Variants in ANKMY1 observed in about 807,000 individuals in gnomAD.
The protein encoded by ANKMY1 is ankyrin repeat and MYND domain-containing protein 1.
Under a neutral mutation model 102.0 loss-of-function variants are expected in ANKMY1, and 98 were observed. The observed-to-expected ratio is 0.96, with a 90% confidence interval of 0.82 to 1.14. The LOEUF (loss-of-function observed/expected upper bound fraction) is 1.14, where lower values mean the gene tolerates loss of function less well. ANKMY1 is among the 50% of genes most tolerant of loss of function. ANKMY1 has a pLI of 0.00. For missense variants in ANKMY1, 1,330 were observed against 1,347.6 expected (o/e 0.99, Z 0.20); for synonymous variants, 582 against 559.9 (o/e 1.04, Z -0.56).
chr2:240,526,351 T>A lies in ANKMY1; in HGVS notation c.1048A>T (p.Met350Leu), dbSNP rs1340347348. 2 of 1,614,134 alleles carry A rather than the reference T, an allele frequency of 1.2e-6. No individual in the cohort carries two copies. The highest frequency in any genetic ancestry group is 2.7e-5 in the African/African-American group (2 of 74,948). The change falls in exon 6 of 18, where the codon ATG becomes TTG. Residue 350 changes from methionine to leucine, a missense_variant. Transcript: ENST00000401804. ...TCCTCAGCCTTTAGGATCATCTCCA[T>A]GGAAAGTTGCTCTTTGGGCCCACAG... ...APCGPKEQLS[M>L]EMILKAEEGN...
Position 240,526,223 on chromosome 2 carries a change from G to A in ANKMY1, c.1170+6C>T. 1 of 1,613,950 alleles carries A rather than the reference G, an allele frequency of 6.2e-7. No homozygotes were observed. Among genetic ancestry groups the A allele is most frequent in the Non-Finnish European group, 8.5e-7 (1 of 1,179,984 alleles). On this transcript the variant is annotated splice_donor_region_variant and intron_variant, in intron 6 of 17. Transcript: ENST00000401804. Reference sequence around the variant, plus strand: ...CGGGCACCAGCTGGGAGGGTGTGGGGCTTACAGCAGCCGCAGCAAGCACAG... The same window carrying A: ...CGGGCACCAGCTGGGAGGGTGTGGGACTTACAGCAGCCGCAGCAAGCACAG...
the ANKMY1 span, among the ~76,000 whole-genome samples, chr2:240,469,589 C>T: frequency 6.6e-6 from 1 of 152,254 alleles, no homozygotes; most frequent in Non-Finnish European, 1.5e-5. Flanking sequence ...GCAGGCAGCC[C>T]CGGCAGGCCA....
Position 240,520,414 on chromosome 2 carries a change from A to G in ANKMY1, c.1952T>C (p.Val651Ala). 1.2e-6 allele frequency: 2 copies of G among 1,606,864 alleles called. No individual in the cohort carries two copies. The highest frequency in any genetic ancestry group is 8.5e-7 in the Non-Finnish European group (1 of 1,176,946). The change falls in exon 9 of 18, where the codon GTG becomes GCG. Residue 651 changes from valine (V) to alanine (A), a missense_variant. Coordinates refer to ENST00000401804, the MANE Select transcript of ANKMY1 (RefSeq NM_001282771.3). This position sits in a 1 kb window ranked among gnomAD's most constrained non-coding sequence, Gnocchi z 4.8. ...LAVKAGDVDG[V>A]RLLLEHGART... The stretch of plus-strand genomic sequence containing the variant: ...CGCCCCGTGCTCCAGCAGCAGCCTC[A>G]CCCCATCCACGTCCCCGGCCTTCAC...
chr2:240,499,942 A>AGAGCT lies in ANKMY1; in HGVS notation c.2806+15_2806+16insAGCTC. On this transcript the variant is annotated intron_variant, in intron 15 of 17. Coordinates refer to ENST00000401804, the MANE Select transcript of ANKMY1 (RefSeq NM_001282771.3). The surrounding 1 kb of genome is among the most constrained non-coding windows in gnomAD (Gnocchi z 4.2). ...GCCGCCCTGTGGAGCAGAGCAGAGC[A>AGAGCT]GGGCCCACTGCTCACCTCTCTTGCA... The AGAGCT allele has an allele frequency of 6.2e-7, 1 of 1,607,828 alleles. No individual in the cohort carries two copies. The highest frequency in any genetic ancestry group is 8.5e-7 in the Non-Finnish European group (1 of 1,176,510).
At position 240,516,202 on chromosome 2, in the gene ANKMY1, G is replaced by T. The variant is rs144928609; in HGVS notation, c.2005-3260C>A. Among the ~76,000 whole-genome samples the T allele has an allele frequency of 4.0e-5, 6 of 148,250 alleles. No homozygotes were observed. In the East Asian group the frequency reaches 1.0e-3, roughly 25 times the overall value. On this transcript the variant is annotated intron_variant, in intron 9 of 17. Coordinates refer to ENST00000401804, the MANE Select transcript of ANKMY1 (RefSeq NM_001282771.3). ...TATTTTGGCTAAAGGATTGGCAATT[G>T]TATAGTGACCTGTGAACCTGTTTTA...
At chr2:240,532,374 CAG>C (rs2085629574) in intron 4 of ANKMY1, among the ~76,000 whole-genome samples, 4 of 152,172 alleles carry the variant, frequency 2.6e-5, no homozygotes, top group Admixed American at 2.0e-4. Context: ...CAAAAACTGA[CAG>C]AATACCATCT....
chr2:240,478,459 A>AC (rs1444467891), downstream of ANKMY1, among the ~76,000 whole-genome samples: 1 of 151,830 alleles, frequency 6.6e-6, no homozygotes, highest in Non-Finnish European at 1.5e-5. Flanking sequence ...AGCATCCCAG[A>AC]CCCCCCTGAG....
chr2:240,497,620 T>C (rs991660630), intron 15 of ANKMY1, among the ~76,000 whole-genome samples: 5 of 152,254 alleles, frequency 3.3e-5, no homozygotes, highest in African/African-American at 9.6e-5. Flanking sequence ...CTCTCTTTTC[T>C]TAGTTTTCTC....
In ANKMY1 at chr2:240,525,724, G is replaced by T. The variant is rs866522532; in HGVS notation, c.1296C>A (p.Phe432Leu). The change falls in exon 7 of 18, where the codon TTC becomes TTA. Residue 432 changes from phenylalanine to leucine, a missense_variant. By Grantham distance (22) the Phe-to-Leu change is conservative. Transcript: ENST00000401804. The stretch of plus-strand genomic sequence containing the variant: ...TGGTCCGTTCAGCAACATTGGGCTT[G>T]AAGGACTGGGCGGGGTAGTGGAGGA... ...CFLLHYPAQS[F>L]KPNVAERTIP... is the part of the protein sequence containing the mutation. 6.2e-7 allele frequency: 1 copy of T among 1,614,176 alleles called. No individual in the cohort carries two copies. Among genetic ancestry groups the T allele is most frequent in the East Asian group, 2.2e-5 (1 of 44,880 alleles).
intron 15 of ANKMY1, among the ~76,000 whole-genome samples, chr2:240,487,076 C>T (rs1208501584): frequency 2.0e-5 from 3 of 152,098 alleles, no homozygotes; most frequent in Non-Finnish European, 2.9e-5. Flanking sequence ...TTTATTTCTT[C>T]TATCTTACTG....
At chr2:240,528,982 AG>A in intron 5 of ANKMY1, 54 bp downstream of exon 5, 1 of 1,552,118 alleles carries the variant, frequency 6.4e-7, no homozygotes, top group East Asian at 2.2e-5. Context: ...GAACCTGCCT[AG>A]GGCAGCCTGC....
rs1445775731 is a variant in ANKMY1, at chr2:240,506,584, G to A, written c.2526+976C>T. 1.3e-5 allele frequency among the ~76,000 whole-genome samples: 2 copies of A among 152,066 alleles called. No individual in the cohort carries two copies. The highest frequency in any genetic ancestry group is 1.9e-4 in the East Asian group (1 of 5,174). On this transcript the variant is annotated intron_variant, in intron 13 of 17. Transcript: ENST00000401804. The surrounding 1 kb of genome is among the most constrained non-coding windows in gnomAD (Gnocchi z 4.9). Reference sequence around the variant, plus strand: ...TGTGACGTCAAACAACCTTCCAGACGCCTGAGTCTCGCCCTTCCCCTTCCA... The same window carrying A: ...TGTGACGTCAAACAACCTTCCAGACACCTGAGTCTCGCCCTTCCCCTTCCA...
rs771425474 is a variant in ANKMY1 at position 240,509,439 on chromosome 2, A to G, written c.2303T>C (p.Val768Ala). 3 of 1,613,016 alleles carry G rather than the reference A, an allele frequency of 1.9e-6. No homozygotes were observed. In the East Asian group the frequency reaches 6.7e-5, roughly 36 times the overall value. The part of the protein sequence containing the change: ...EDDNKCARDI[V>A]RLLLSHGANP... ...TGCTCCGTGGGATAGAAGGAGCCGG[A>G]CTATGTCCCTGGCACACTGGGTGGG... The change falls in exon 12 of 18, where the codon GTC becomes GCC. Residue 768 changes from valine to alanine, a missense_variant. Physicochemically the swap from Val to Ala is moderately conservative, Grantham distance 64. Coordinates refer to ENST00000401804, the MANE Select transcript of ANKMY1 (RefSeq NM_001282771.3).
rs1384766815 is a variant in ANKMY1 at position 240,484,335 on chromosome 2, T to G, written c.2807-2074A>C. ...GGCTACAGTAACCAAAACAGCATGG[T>G]ACTGGTACCAAAACAGAGATATAGA... On this transcript the variant is annotated intron_variant, in intron 15 of 17. Coordinates refer to ENST00000401804, the MANE Select transcript of ANKMY1 (RefSeq NM_001282771.3). 2.6e-5 allele frequency among the ~76,000 whole-genome samples: 4 copies of G among 152,174 alleles called. No individual in the cohort carries two copies. The South Asian group carries it at 8.3e-4, about 32-fold the overall frequency.
At chr2:240,512,134 G>C in intron 10 of ANKMY1, 133 bp from the exon 11 acceptor site, 1 of 1,141,914 alleles carries the variant, frequency 8.8e-7, no homozygotes, top group African/African-American at 1.6e-5. Flanking sequence ...CTTGAAGGCG[G>C]ATGCCTGACT....
chr2:240,512,530 C>T (rs1181582445), intron 10 of ANKMY1, among the ~76,000 whole-genome samples: 1 of 152,246 alleles, frequency 6.6e-6, no homozygotes, highest in Non-Finnish European at 1.5e-5. Context: ...TGCAAAAGGT[C>T]CGCATGGGGA....
At chr2:240,472,856 G>T in the ANKMY1 span, among the ~76,000 whole-genome samples, 1 of 152,200 alleles carries the variant, frequency 6.6e-6, no homozygotes, top group Non-Finnish European at 1.5e-5. Context: ...TGGGCATGGT[G>T]GCTCATGCCT....
At chr2:240,516,152 T>TTG (rs1040068916) in intron 9 of ANKMY1, among the ~76,000 whole-genome samples, 3 of 150,508 alleles carry the variant, frequency 2.0e-5, no homozygotes, top group East Asian at 1.9e-4. Flanking sequence ...TTTGTGGGGT[T>TTG]TTTTTTTTTT....
chr2:240,480,410 C>T (rs1047092110), intron 17 of ANKMY1, among the ~76,000 whole-genome samples: 1 of 152,248 alleles, frequency 6.6e-6, no homozygotes, highest in African/African-American at 2.4e-5. Context: ...GCCCTGTTCA[C>T]ACCAAGGAGG....
Sources: gnomAD v4.1 joint callset for allele counts (sites outside exome capture counted in the v4.1 genomes callset) on GRCh38, gnomAD v4.1.1 for gene constraint, Gnocchi (gnomAD v3.1) non-coding constraint, MANE v1.5 for transcripts, NCBI Gene and HGNC (gene_info 2026-07-23, HGNC 2026-07-21) for gene names.